PLCH1: variants seen among roughly 807,000 people sequenced by gnomAD.
PLCH1 encodes the protein phospholipase C eta 1.
In PLCH1, 60 loss-of-function variants were observed where a neutral mutation model predicts 126.7. The ratio of observed to expected loss-of-function variants is 0.47; its 90% CI spans 0.38 to 0.59. The LOEUF (loss-of-function observed/expected upper bound fraction) is 0.59, where lower values mean the gene tolerates loss of function less well. Ranked by LOEUF, PLCH1 falls within the 20% of genes least tolerant of loss-of-function variation. PLCH1 has a pLI of 0.00. For missense variants in PLCH1, 1,723 were observed against 2,040.0 expected (o/e 0.84, Z 2.99); for synonymous variants, 719 against 734.9 (o/e 0.98, Z 0.35).
chr3:155,614,764 A>G (rs1049678888), intron 2 of PLCH1, among the ~76,000 whole-genome samples: 1 of 152,202 alleles, frequency 6.6e-6, no homozygotes, highest in Middle Eastern at 3.2e-3. Flanking sequence ...CTCATTTCTC[A>G]TCTTATACAA....
chr3:155,603,231 A>G (rs1265072454), intron 2 of PLCH1, among the ~76,000 whole-genome samples: 3 of 152,250 alleles, frequency 2.0e-5, no homozygotes, highest in Non-Finnish European at 4.4e-5. Context: ...ATTTCCTGCC[A>G]GCTTCCACAG....
chr3:155,524,090 G>A, intron 10 of PLCH1, 86 bp from the exon 11 acceptor site: 1 of 802,350 alleles, frequency 1.2e-6, no homozygotes, highest in Admixed American at 2.1e-5. Flanking sequence ...ATCCATTGAT[G>A]GATGAGAGGA....
intron 7 of PLCH1, among the ~76,000 whole-genome samples, chr3:155,567,978 A>G (rs1728731581): frequency 1.3e-5 from 2 of 152,248 alleles, no homozygotes; most frequent in African/African-American, 4.8e-5. Flanking sequence ...CATGGCATCC[A>G]TCACACGTGG....
At chr3:155,469,504 C>T (rs1046150640) in intron 21 of PLCH1, among the ~76,000 whole-genome samples, 5 of 151,946 alleles carry the variant, frequency 3.3e-5, no homozygotes, top group African/African-American at 9.7e-5. Context: ...GGGGGAGGGG[C>T]GCCCGCCATT....
intron 2 of PLCH1, among the ~76,000 whole-genome samples, chr3:155,657,426 A>C (rs1741537132): frequency 6.6e-6 from 1 of 152,144 alleles, no homozygotes; most frequent in Non-Finnish European, 1.5e-5. Context: ...AGGTTACTGG[A>C]GAGGAAACAG....
At chr3:155,656,181 A>G (rs1577253976) in intron 2 of PLCH1, among the ~76,000 whole-genome samples, 1 of 149,140 alleles carries the variant, frequency 6.7e-6, no homozygotes, top group African/African-American at 2.4e-5. Context: ...CCCCCAAATA[A>G]AAACTACCAC....
At chr3:155,729,532 G>A (rs1748595385) in intron 1 of PLCH1, among the ~76,000 whole-genome samples, 2 of 152,224 alleles carry the variant, frequency 1.3e-5, no homozygotes, top group South Asian at 4.1e-4. Flanking sequence ...GGAAGGAACA[G>A]TAGATGCTCA....
At chr3:155,600,825 C>A (rs1196261556) in intron 2 of PLCH1, among the ~76,000 whole-genome samples, 1 of 152,282 alleles carries the variant, frequency 6.6e-6, no homozygotes, top group East Asian at 1.9e-4. Context: ...TAATAATTAT[C>A]ATTTTAATGG....
intron 9 of PLCH1, 89 bp downstream of exon 9, chr3:155,553,987 G>T: frequency 7.7e-7 from 1 of 1,292,328 alleles, no homozygotes; most frequent in Non-Finnish European, 1.1e-6. Context: ...AGAGTCCAAG[G>T]AAGAGGATGT....
At chr3:155,653,739 G>T (rs1232104056) in intron 2 of PLCH1, among the ~76,000 whole-genome samples, 1 of 152,030 alleles carries the variant, frequency 6.6e-6, no homozygotes, top group Non-Finnish European at 1.5e-5. Context: ...GAAATAGGTA[G>T]AAAAATTCCT....
chr3:155,656,091 A>T (rs1741321403), intron 2 of PLCH1, among the ~76,000 whole-genome samples: 1 of 152,134 alleles, frequency 6.6e-6, no homozygotes. Flanking sequence ...TTTCCTAAAA[A>T]GATATACTTT....
intron 13 of PLCH1, among the ~76,000 whole-genome samples, chr3:155,503,714 T>C (rs1210853231): frequency 3.3e-5 from 5 of 152,154 alleles, no homozygotes. Flanking sequence ...ATTTTTGTAT[T>C]TTTAGTAGAG....
In PLCH1 at chr3:155,556,302, G is replaced by C. The variant is rs143141445; in HGVS notation, c.1070-2106C>G. On this transcript the variant is annotated intron_variant, in intron 8 of 22. Transcript: ENST00000460012. ...CGGGAGGTGGAGGATGCAGTGAGTC[G>C]AGCTCGTGACATTGCAACTCCAGCC... Among the ~76,000 whole-genome samples, 28 of 152,208 alleles carry C rather than the reference G, an allele frequency of 1.8e-4. No individual in the cohort carries two copies. In the East Asian group the frequency reaches 4.8e-3, roughly 26 times the overall value.
chr3:155,728,738 G>A (rs1748531357), intron 1 of PLCH1, among the ~76,000 whole-genome samples: 1 of 152,018 alleles, frequency 6.6e-6, no homozygotes, highest in South Asian at 2.1e-4. Flanking sequence ...TATCAGGATG[G>A]GCATACTTCC....
chr3:155,460,929 T>A (rs1712701599), intron 21 of PLCH1, among the ~76,000 whole-genome samples: 1 of 152,208 alleles, frequency 6.6e-6, no homozygotes, highest in East Asian at 1.9e-4. Flanking sequence ...TTTTTCTTTT[T>A]AAGAGTATAC....
intron 10 of PLCH1, among the ~76,000 whole-genome samples, chr3:155,537,882 C>T (rs983674264): frequency 2.0e-5 from 3 of 152,066 alleles, no homozygotes; most frequent in Admixed American, 1.3e-4. Flanking sequence ...TTAAACTATA[C>T]CCTAGAACAA....
chr3:155,458,362 AG>A (rs1409614060), intron 21 of PLCH1, among the ~76,000 whole-genome samples: 5 of 139,520 alleles, frequency 3.6e-5, no homozygotes, highest in Non-Finnish European at 7.6e-5. Flanking sequence ...AAAAAAAGAA[AG>A]AAAGAAGAAA....
rs1728763523 is a variant in PLCH1, at chr3:155,568,237, T to C, written c.859A>G (p.Ile287Val). 3 of 1,342,448 alleles carry C rather than the reference T, an allele frequency of 2.2e-6. No homozygotes were observed. Among genetic ancestry groups the C allele is most frequent in the South Asian group, 1.2e-5 (1 of 84,048 alleles). 83.2% of individuals were successfully genotyped at this position (1,342,448 alleles called of 1,614,324 possible). A position where few individuals can be genotyped will look rare whatever the true frequency, so the allele number is the denominator to read the frequency against. Residue 287 changes from isoleucine to valine, a missense_variant, in exon 7 of 23, where the codon ATA becomes GTA. Coordinates refer to ENST00000460012, the MANE Select transcript of PLCH1 (RefSeq NM_014996.4). Reference protein sequence around the residue: ...EENKVKNVLGIEGFTNFMRSP... With the variant: ...EENKVKNVLGVEGFTNFMRSP... Reference sequence around the variant, plus strand: ...AGAATATTGGTTATTTTACCTTCTATGCCAAGAACATTTTTCACCTTATTT... The same window carrying C: ...AGAATATTGGTTATTTTACCTTCTACGCCAAGAACATTTTTCACCTTATTT...
chr3:155,586,593 GCAA>G (rs1390926912), intron 4 of PLCH1, among the ~76,000 whole-genome samples: 1 of 151,984 alleles, frequency 6.6e-6, no homozygotes, highest in Non-Finnish European at 1.5e-5. Context: ...TGTAATCCCA[GCAA>G]CTTGTGAGGC....
Sources: allele counts gnomAD v4.1 joint callset (sites outside exome capture counted in the v4.1 genomes callset), GRCh38; gene constraint gnomAD v4.1.1; transcripts MANE v1.5; gene names NCBI Gene and HGNC (gene_info 2026-07-23, HGNC 2026-07-21).